The following DNER variants were observed in gnomAD, a reference collection of about 807,000 sequenced individuals.
DNER encodes the protein delta/notch like EGF repeat containing.
DNER carries 33 observed loss-of-function variants against 78.2 expected under a neutral mutation model. The ratio of observed to expected loss-of-function variants is 0.42; its 90% CI spans 0.32 to 0.56. DNER has a LOEUF of 0.56. Ranked by LOEUF, DNER falls within the 20% of genes least tolerant of loss-of-function variation. DNER has a pLI of 0.11. For synonymous variants in DNER, 417 were observed against 384.8 expected (o/e 1.08, Z -0.98); for missense variants, 918 against 975.3 (o/e 0.94, Z 0.78).
At chr2:229,711,452 T>C (rs1179041070) in intron 1 of DNER, among the ~76,000 whole-genome samples, 1 of 152,200 alleles carries the variant, frequency 6.6e-6, no homozygotes, top group Admixed American at 6.5e-5. Flanking sequence ...GGAGTTTCCA[T>C]GACTCAGGTG....
chr2:229,407,116 G>T, intron 10 of DNER, 116 bp downstream of exon 10: 1 of 875,520 alleles, frequency 1.1e-6, no homozygotes, highest in Non-Finnish European at 1.8e-6. Context: ...CTTACATTTT[G>T]TAATGGTGTT....
In DNER at chr2:229,388,376, T is replaced by C. The variant is rs1334634129; in HGVS notation, c.1744A>G (p.Ile582Val). 2.5e-6 allele frequency: 4 copies of C among 1,611,426 alleles called. No homozygotes were observed. Among genetic ancestry groups the C allele is most frequent in the African/African-American group, 1.3e-5 (1 of 74,586 alleles). The stretch of plus-strand genomic sequence containing the variant: ...CAGGGGTTACTGTCACATTCATTTA[T>C]GTCAATGTCGCACTCTTCACCTAGG... ...GFTGEECDID[I>V]NECDSNPCHH... The change falls in exon 11 of 13, where the codon ATA becomes GTA. Residue 582 changes from isoleucine (I) to valine (V), a missense_variant. By Grantham distance (29) the Ile-to-Val change is conservative. Transcript: ENST00000341772.
At position 229,461,417 on chromosome 2, in the gene DNER, T is replaced by A. The variant is rs78441795; in HGVS notation, c.1262-13877A>T. Among the ~76,000 whole-genome samples, 1,376 of 152,108 alleles carry A rather than the reference T, an allele frequency of 9.0e-3. 45 individuals are homozygous for A. The East Asian group carries it at 0.11, about 13-fold the overall frequency. Reference sequence around the variant, plus strand: ...GATCTCTCAAGGTAAGTGTTTTTTTTAAAATTCCCCTTATAGAATATGCAA... The same window carrying A: ...GATCTCTCAAGGTAAGTGTTTTTTTAAAAATTCCCCTTATAGAATATGCAA... On this transcript the variant is annotated intron_variant, in intron 7 of 12. Transcript: ENST00000341772.
At chr2:229,484,232 T>C (rs768914713) in intron 6 of DNER, among the ~76,000 whole-genome samples, 54 of 152,348 alleles carry the variant, frequency 3.5e-4, no homozygotes, top group Non-Finnish European at 5.1e-4. Context: ...ATGTGCTAGC[T>C]GCTTGTTTTC....
intron 11 of DNER, among the ~76,000 whole-genome samples, chr2:229,375,396 C>T (rs892475261): frequency 2.0e-5 from 3 of 152,188 alleles, no homozygotes; most frequent in Non-Finnish European, 4.4e-5. Context: ...CAGCTCAACT[C>T]ACAGAATTGA....
intron 6 of DNER, among the ~76,000 whole-genome samples, chr2:229,482,088 A>G (rs1460112035): frequency 2.0e-5 from 3 of 152,266 alleles, no homozygotes; most frequent in African/African-American, 7.2e-5. Context: ...ACGAAAGTCT[A>G]TACCTAACCA....
At chr2:229,463,804 T>A (rs1376144813) in intron 7 of DNER, among the ~76,000 whole-genome samples, 4 of 152,126 alleles carry the variant, frequency 2.6e-5, no homozygotes, top group Non-Finnish European at 4.4e-5. Context: ...GAAGGAAGAA[T>A]CCTGACTCTC....
At chr2:229,387,620 T>C (rs1299057828) in intron 11 of DNER, among the ~76,000 whole-genome samples, 2 of 152,050 alleles carry the variant, frequency 1.3e-5, no homozygotes, top group African/African-American at 2.4e-5. Context: ...CTCGATTCCA[T>C]GTTAGTTCTC....
chr2:229,665,801 C>G (rs930014241), intron 1 of DNER, among the ~76,000 whole-genome samples: 8 of 152,140 alleles, frequency 5.3e-5, no homozygotes, highest in African/African-American at 1.7e-4. Context: ...TGATCTGGGT[C>G]TCCTTTCCAT....
At chr2:229,485,505 G>C (rs1324696165) in intron 6 of DNER, among the ~76,000 whole-genome samples, 2 of 152,146 alleles carry the variant, frequency 1.3e-5, no homozygotes, top group Non-Finnish European at 2.9e-5. Flanking sequence ...AGAGAGAGAA[G>C]AGTGGCTAAG....
intron 5 of DNER, among the ~76,000 whole-genome samples, chr2:229,544,407 T>C (rs1243598715): frequency 6.6e-6 from 1 of 152,226 alleles, no homozygotes; most frequent in Non-Finnish European, 1.5e-5. Context: ...TTCAAAGATT[T>C]AGCAGAAATG....
chr2:229,531,444 G>A (rs942144478), intron 5 of DNER, among the ~76,000 whole-genome samples: 4 of 152,038 alleles, frequency 2.6e-5, no homozygotes, highest in African/African-American at 4.8e-5. Context: ...TTAGAAAAAT[G>A]CAACCAAAAG....
In DNER at chr2:229,457,650, A is replaced by T. The variant is rs186533488; in HGVS notation, c.1262-10110T>A. Among the ~76,000 whole-genome samples, 22 of 151,932 alleles carry T rather than the reference A, an allele frequency of 1.4e-4. No homozygotes were observed. In the East Asian group the frequency reaches 2.3e-3, roughly 16 times the overall value. On this transcript the variant is annotated intron_variant, in intron 7 of 12. Transcript: ENST00000341772. ...AGGGCAGGAATAGAATAAAACAAAG[A>T]ACATATGAGAAAAATAGAAAATAAA... is the stretch of plus-strand genomic sequence containing the variant.
intron 6 of DNER, among the ~76,000 whole-genome samples, chr2:229,487,956 G>T (rs1043715041): frequency 2.6e-5 from 4 of 152,238 alleles, no homozygotes; most frequent in Non-Finnish European, 4.4e-5. Context: ...AAGAGTTGGG[G>T]TCACTGACAT....
chr2:229,405,314 T>C (rs1207103458), intron 10 of DNER, among the ~76,000 whole-genome samples: 1 of 152,192 alleles, frequency 6.6e-6, no homozygotes, highest in African/African-American at 2.4e-5. Context: ...AAAATATCGG[T>C]TCAATGTTTG....
chr2:229,388,794 G>A (rs1303108240), intron 10 of DNER, among the ~76,000 whole-genome samples: 1 of 151,500 alleles, frequency 6.6e-6, no homozygotes, highest in Non-Finnish European at 1.5e-5. Context: ...TATTATTAAA[G>A]AAGTCTATTT....
intron 1 of DNER, among the ~76,000 whole-genome samples, chr2:229,702,850 G>C (rs977435630): frequency 2.0e-5 from 3 of 147,530 alleles, no homozygotes; most frequent in Non-Finnish European, 3.0e-5. Context: ...ACGGGAGGTA[G>C]AGCTTGCAGT....
intron 1 of DNER, among the ~76,000 whole-genome samples, chr2:229,696,175 AC>A (rs2154217518): frequency 6.6e-6 from 1 of 152,248 alleles, no homozygotes; most frequent in East Asian, 1.9e-4. Context: ...AGGGGGTCCC[AC>A]CCCCAGCCCA....
chr2:229,484,586 G>A (rs150068675), intron 6 of DNER, among the ~76,000 whole-genome samples: 32 of 152,212 alleles, frequency 2.1e-4, no homozygotes, highest in African/African-American at 6.5e-4. Flanking sequence ...TCCTTAGGTC[G>A]GTGGTTCTTG....
Sources: allele counts gnomAD v4.1 joint callset (sites outside exome capture counted in the v4.1 genomes callset), GRCh38; gene constraint gnomAD v4.1.1; transcripts MANE v1.5; gene names NCBI Gene and HGNC (gene_info 2026-07-23, HGNC 2026-07-21).